Variants in KCNIP4 observed in about 807,000 individuals in gnomAD.
The protein encoded by KCNIP4 is potassium voltage-gated channel interacting protein 4, also known as Kv channel-interacting protein 4.
KCNIP4 carries 12 observed loss-of-function variants against 34.0 expected under a neutral mutation model. That is an observed-to-expected ratio of 0.35 (90% confidence interval 0.23 to 0.57). The LOEUF (loss-of-function observed/expected upper bound fraction) is 0.57. KCNIP4 is among the 20% of genes least tolerant of loss of function. The pLI, the probability that KCNIP4 is intolerant of heterozygous loss-of-function variation, is 0.83. For missense variants in KCNIP4, 238 were observed against 311.7 expected (o/e 0.76, Z 1.78); for synonymous variants, 124 against 102.2 (o/e 1.21, Z -1.29).
chr4:21,727,580 G>C (rs555503436), intron 1 of KCNIP4, among the ~76,000 whole-genome samples: 1 of 152,104 alleles, frequency 6.6e-6, no homozygotes, highest in Non-Finnish European at 1.5e-5. Context: ...TGTAATCCTA[G>C]CACTGTGGGA....
chr4:21,550,773 G>C (rs992169956), intron 1 of KCNIP4, among the ~76,000 whole-genome samples: 1 of 152,004 alleles, frequency 6.6e-6, no homozygotes, highest in South Asian at 2.1e-4. Context: ...TATGAATCTT[G>C]AAGAAAGAAA....
At chr4:21,234,236 TATATATAACATATATTATATATAAC>T (rs1316484474) in intron 1 of KCNIP4, among the ~76,000 whole-genome samples, 16 of 38,924 alleles carry the variant, frequency 4.1e-4, no homozygotes, top group Admixed American at 1.2e-3. Context: ...ATATATAACA[TATATATAACATATATTATATATAAC>T]ATATATAACA....
intron 1 of KCNIP4, among the ~76,000 whole-genome samples, chr4:20,919,789 G>C (rs1475059020): frequency 1.3e-5 from 2 of 151,758 alleles, no homozygotes; most frequent in African/African-American, 2.4e-5. Context: ...GCTGGTACAT[G>C]GAAGGTGCTC....
At chr4:20,734,770 T>G (rs1373215498) in intron 5 of KCNIP4, 35 bp from the exon 6 acceptor site, 2 of 1,329,200 alleles carry the variant, frequency 1.5e-6, no homozygotes, top group Admixed American at 4.4e-5. Flanking sequence ...TTATATGACA[T>G]TTTTAAAAAA....
chr4:20,980,974 T>G (rs1736009991), intron 1 of KCNIP4, among the ~76,000 whole-genome samples: 1 of 152,226 alleles, frequency 6.6e-6, no homozygotes, highest in Non-Finnish European at 1.5e-5. Flanking sequence ...TTTTTTATGG[T>G]GGTTTGCACT....
chr4:21,093,137 A>G (rs1292153355), intron 1 of KCNIP4, among the ~76,000 whole-genome samples: 2 of 152,188 alleles, frequency 1.3e-5, no homozygotes, highest in Non-Finnish European at 2.9e-5. Context: ...TAATAAAACC[A>G]TTAAGGTTGA....
At chr4:20,803,726 AG>A (rs200451938) in intron 3 of KCNIP4, among the ~76,000 whole-genome samples, 15,593 of 95,868 alleles carry the variant, frequency 0.16, 1,283 homozygotes, top group Non-Finnish European at 0.19. Context: ...AGAGAGAGAG[AG>A]AGGAAGGAAG....
chr4:21,274,722 C>T (rs1258061987), intron 1 of KCNIP4, among the ~76,000 whole-genome samples: 1 of 152,036 alleles, frequency 6.6e-6, no homozygotes, highest in African/African-American at 2.4e-5. Context: ...CTCAAGAGCC[C>T]AAAACATAAA....
intron 1 of KCNIP4, among the ~76,000 whole-genome samples, chr4:21,696,678 CAT>C (rs1488361200): frequency 1.3e-5 from 2 of 152,092 alleles, no homozygotes; most frequent in African/African-American, 4.8e-5. Context: ...GATTTAGCCT[CAT>C]AATTTTGGAA....
intron 1 of KCNIP4, among the ~76,000 whole-genome samples, chr4:20,945,574 A>G (rs917806259): frequency 1.3e-5 from 2 of 152,166 alleles, no homozygotes; most frequent in African/African-American, 4.8e-5. Flanking sequence ...TGAATCTTAA[A>G]AGATGTGTAC....
At chr4:21,456,095 A>C (rs774444073) in intron 1 of KCNIP4, among the ~76,000 whole-genome samples, 5 of 146,696 alleles carry the variant, frequency 3.4e-5, no homozygotes, top group Non-Finnish European at 5.9e-5. Context: ...TATATCTGCA[A>C]TAATGGCTGA....
chr4:21,896,140 G>A (rs907880910), intron 1 of KCNIP4, among the ~76,000 whole-genome samples: 1 of 152,100 alleles, frequency 6.6e-6, no homozygotes, highest in Non-Finnish European at 1.5e-5. Flanking sequence ...ATGCGACAGA[G>A]TTCATCATTT....
intron 2 of KCNIP4, among the ~76,000 whole-genome samples, chr4:20,879,027 C>T (rs796765497): frequency 5.9e-5 from 9 of 152,000 alleles, no homozygotes; most frequent in African/African-American, 1.9e-4. Flanking sequence ...TGATATAAGA[C>T]GCTCAGAGTG....
Position 21,539,357 on chromosome 4 carries a change from T to C in KCNIP4, c.61+409214A>G, listed in dbSNP as rs189083852. Among the ~76,000 whole-genome samples, 352 of 152,200 alleles carry C rather than the reference T, an allele frequency of 2.3e-3. 3 individuals are homozygous for C. Among genetic ancestry groups the C allele is most frequent in the African/African-American group, 8.0e-3 (333 of 41,546 alleles). On this transcript the variant is annotated intron_variant, in intron 1 of 8. Coordinates refer to ENST00000382152, the MANE Select transcript of KCNIP4 (RefSeq NM_025221.6). ...TCTCCTAAACTCCAGGACCTCCTTTTGTAAGAGTGAGAATTCCTAAATTAA... is the reference window on the plus strand; with the variant it reads ...TCTCCTAAACTCCAGGACCTCCTTTCGTAAGAGTGAGAATTCCTAAATTAA...
rs554746088 is a variant in KCNIP4 at position 21,278,628 on chromosome 4, T to C, written c.62-395919A>G. Among the ~76,000 whole-genome samples the C allele has an allele frequency of 3.2e-3, 483 of 152,104 alleles. 5 individuals carry two copies. The highest frequency in any genetic ancestry group is 0.011 in the African/African-American group (451 of 41,474). ...TCAGTGACAGATTGGATAAAGAAAA[T>C]GTAGTACATATACACCATGAAATAC... On this transcript the variant is annotated intron_variant, in intron 1 of 8. Transcript: ENST00000382152.
At chr4:21,816,411 C>T (rs1578025993) in intron 1 of KCNIP4, among the ~76,000 whole-genome samples, 3 of 152,106 alleles carry the variant, frequency 2.0e-5, no homozygotes, top group Admixed American at 2.0e-4. Context: ...AAGGTGAGGA[C>T]CTAAAAAAGT....
chr4:20,730,199 G>A, intron 8 of KCNIP4, 70 bp from the exon 9 acceptor site: 1 of 1,510,758 alleles, frequency 6.6e-7, no homozygotes, highest in South Asian at 1.4e-5. Context: ...TTTTGCCCCT[G>A]AGTATTGCCT....
intron 1 of KCNIP4, among the ~76,000 whole-genome samples, chr4:21,517,598 AT>A (rs562238886): frequency 6.6e-6 from 1 of 151,910 alleles, no homozygotes; most frequent in Non-Finnish European, 1.5e-5. Context: ...TTAATCATTG[AT>A]TTTTTTTATC....
Position 21,670,741 on chromosome 4 carries a change from C to T in KCNIP4, c.61+277830G>A, listed in dbSNP as rs556324005. On this transcript the variant is annotated intron_variant, in intron 1 of 8. Transcript: ENST00000382152. ...CGCGATCTTGGCTCACTGCAAGCTC[C>T]GCCTCCCGGGTTCAGGCCATTCTCC... Among the ~76,000 whole-genome samples, 7 of 152,070 alleles carry T rather than the reference C, an allele frequency of 4.6e-5. No individual in the cohort carries two copies. The South Asian group carries it at 8.3e-4, about 18-fold the overall frequency.
Sources: allele counts gnomAD v4.1 joint callset (sites outside exome capture counted in the v4.1 genomes callset), GRCh38; gene constraint gnomAD v4.1.1; transcripts MANE v1.5; gene names NCBI Gene and HGNC (gene_info 2026-07-23, HGNC 2026-07-21).